The following VPS13B variants were observed in gnomAD, a reference collection of about 807,000 sequenced individuals.
The protein encoded by VPS13B is intermembrane lipid transfer protein VPS13B.
In VPS13B, 285 loss-of-function variants were observed where a neutral mutation model predicts 426.4. That is an observed-to-expected ratio of 0.67 (90% CI 0.61 to 0.74). VPS13B has a LOEUF of 0.74. VPS13B is among the 30% of genes least tolerant of loss of function. The pLI, the probability that VPS13B is intolerant of heterozygous loss-of-function variation, is 0.00. For missense variants in VPS13B, 4,537 were observed against 4,782.6 expected (o/e 0.95, Z 1.51); for synonymous variants, 1,676 against 1,676.4 (o/e 1.00, Z 0.01).
chr8:99,389,906 C>G (rs1025037142), intron 20 of VPS13B, among the ~76,000 whole-genome samples: 2 of 151,992 alleles, frequency 1.3e-5, no homozygotes, highest in South Asian at 2.1e-4. Flanking sequence ...GTCCACCCCC[C>G]CTCCTTATGT....
At chr8:99,218,995 C>T (rs138125703) in intron 17 of VPS13B, among the ~76,000 whole-genome samples, 43 of 152,234 alleles carry the variant, frequency 2.8e-4, no homozygotes, top group African/African-American at 9.1e-4. Flanking sequence ...TGATCAACAC[C>T]TTGATTCCAG....
chr8:99,427,802 G>C (rs1210546222), intron 21 of VPS13B, among the ~76,000 whole-genome samples: 1 of 151,626 alleles, frequency 6.6e-6, no homozygotes, highest in African/African-American at 2.4e-5. Context: ...AGTTCATATG[G>C]AACCAAAAAA....
chr8:99,812,184 G>A (rs1187782337), intron 44 of VPS13B, among the ~76,000 whole-genome samples: 2 of 152,098 alleles, frequency 1.3e-5, no homozygotes, highest in African/African-American at 4.8e-5. Flanking sequence ...CACTCACTCA[G>A]ATACACACAC....
chr8:99,546,755 G>T (rs1563789373), intron 30 of VPS13B, among the ~76,000 whole-genome samples: 2 of 151,848 alleles, frequency 1.3e-5, no homozygotes, highest in Non-Finnish European at 2.9e-5. Flanking sequence ...TAATTAAAGA[G>T]AAAAAAATTT....
chr8:99,264,829 A>AT (rs1818222702), intron 17 of VPS13B, among the ~76,000 whole-genome samples: 1 of 151,464 alleles, frequency 6.6e-6, no homozygotes, highest in African/African-American at 2.4e-5. Context: ...TATTTTCCCC[A>AT]TTTTCTTTTA....
intron 21 of VPS13B, among the ~76,000 whole-genome samples, chr8:99,418,708 A>G (rs3105188): frequency 1.3e-5 from 2 of 151,768 alleles, no homozygotes; most frequent in Admixed American, 1.3e-4. Flanking sequence ...GCCACCATGC[A>G]TGGCTAATAA....
chr8:99,784,227 G>GTTGTAAC lies in VPS13B; in HGVS notation c.7780-87_7780-81dup. 3 of 1,550,204 alleles carry GTTGTAAC rather than the reference G, an allele frequency of 1.9e-6. No homozygotes were observed. In the South Asian group the frequency reaches 3.4e-5, roughly 17 times the overall value. ...ACAACAGATCTTTTAGGGTTTCTGTGTTGTAACAATCGCCACTGGGCAGAC... is the reference window on the plus strand; with the variant it reads ...ACAACAGATCTTTTAGGGTTTCTGTGTTGTAACTTGTAACAATCGCCACTGGGCAGAC... On this transcript the variant is annotated intron_variant, in intron 42 of 61. Transcript: ENST00000357162.
intron 2 of VPS13B, among the ~76,000 whole-genome samples, chr8:99,026,013 G>T (rs1261843789): frequency 6.6e-6 from 1 of 151,822 alleles, no homozygotes; most frequent in South Asian, 2.1e-4. Context: ...ATTTTGTTCT[G>T]ATCCTCATAA....
chr8:99,635,669 A>G (rs1291885610), intron 33 of VPS13B, among the ~76,000 whole-genome samples: 1 of 151,992 alleles, frequency 6.6e-6, no homozygotes, highest in Non-Finnish European at 1.5e-5. Flanking sequence ...TTTCTTTAAA[A>G]TTTTAAGCAT....
chr8:99,640,641 C>T (rs928911380), intron 33 of VPS13B, among the ~76,000 whole-genome samples: 13 of 152,264 alleles, frequency 8.5e-5, no homozygotes, highest in South Asian at 2.1e-4. Flanking sequence ...TAATTGAAAA[C>T]TTGAATATCC....
At chr8:99,248,039 G>A (rs1046062664) in intron 17 of VPS13B, among the ~76,000 whole-genome samples, 1 of 152,088 alleles carries the variant, frequency 6.6e-6, no homozygotes, top group Non-Finnish European at 1.5e-5. Context: ...TTTTATATGA[G>A]GCTTTAAAGT....
chr8:99,447,219 C>G (rs912168265), intron 23 of VPS13B, among the ~76,000 whole-genome samples: 1 of 152,112 alleles, frequency 6.6e-6, no homozygotes, highest in African/African-American at 2.4e-5. Flanking sequence ...GTTGGTGGCA[C>G]TATGAGTTCA....
At chr8:99,485,456 A>G (rs1253711548) in intron 25 of VPS13B, among the ~76,000 whole-genome samples, 13 of 152,222 alleles carry the variant, frequency 8.5e-5, no homozygotes, top group Non-Finnish European at 4.4e-5. Context: ...GATGTGTCAC[A>G]GCTATGCTGA....
At chr8:99,273,530 A>G (rs1017889057) in intron 17 of VPS13B, among the ~76,000 whole-genome samples, 13 of 152,024 alleles carry the variant, frequency 8.6e-5, no homozygotes, top group African/African-American at 3.1e-4. Flanking sequence ...CACGCCTGTA[A>G]TCCTAGCACT....
chr8:99,070,053 C>T (rs1844775330), intron 3 of VPS13B, among the ~76,000 whole-genome samples: 1 of 152,158 alleles, frequency 6.6e-6, no homozygotes, highest in Non-Finnish European at 1.5e-5. Flanking sequence ...TATAGACATG[C>T]ACCACCATGC....
intron 20 of VPS13B, among the ~76,000 whole-genome samples, chr8:99,388,584 A>G (rs543728744): frequency 6.6e-6 from 1 of 152,336 alleles, no homozygotes; most frequent in Non-Finnish European, 1.5e-5. Flanking sequence ...AAGAATATAC[A>G]CAGGGTAATA....
intron 33 of VPS13B, among the ~76,000 whole-genome samples, chr8:99,601,861 A>T (rs1378700259): frequency 1.3e-5 from 2 of 151,906 alleles, no homozygotes; most frequent in African/African-American, 4.8e-5. Flanking sequence ...CTTTCTTGTA[A>T]ATTTGTTTAA....
chr8:99,375,976 A>G (rs1813463833), intron 19 of VPS13B, among the ~76,000 whole-genome samples: 1 of 152,178 alleles, frequency 6.6e-6, no homozygotes. Context: ...TGTATGTTTA[A>G]TTTTAATACT....
chr8:99,446,166 A>G (rs1285911928), intron 23 of VPS13B, among the ~76,000 whole-genome samples: 1 of 152,218 alleles, frequency 6.6e-6, no homozygotes, highest in Non-Finnish European at 1.5e-5. Context: ...ACTTCTGCCT[A>G]AAGTACATCC....
Sources: gnomAD v4.1 joint callset for allele counts (sites outside exome capture counted in the v4.1 genomes callset) on GRCh38, gnomAD v4.1.1 for gene constraint, MANE v1.5 for transcripts, NCBI Gene and HGNC (gene_info 2026-07-23, HGNC 2026-07-21) for gene names.